CAMTA1: variants seen among roughly 807,000 people sequenced by gnomAD.
The protein encoded by CAMTA1 is calmodulin binding transcription activator 1.
In CAMTA1, 27 loss-of-function variants were observed where a neutral mutation model predicts 170.9. That is an observed-to-expected ratio of 0.16 (90% CI 0.12 to 0.22). The LOEUF is 0.22. Among genes scored for constraint, CAMTA1 ranks in the 10% least tolerant of loss-of-function variants. The pLI is 1.00. For missense variants in CAMTA1, 1,619 were observed against 2,217.2 expected (o/e 0.73, Z 5.42); for synonymous variants, 833 against 891.5 (o/e 0.93, Z 1.17).
At chr1:7,718,646 C>T (rs915777566) in intron 11 of CAMTA1, among the ~76,000 whole-genome samples, 2 of 151,386 alleles carry the variant, frequency 1.3e-5, no homozygotes, top group Non-Finnish European at 2.9e-5. Context: ...AACTTCTGCC[C>T]CGCCAGGTTC....
At chr1:6,852,859 AG>A (rs1454467320) in intron 3 of CAMTA1, among the ~76,000 whole-genome samples, 6 of 152,144 alleles carry the variant, frequency 3.9e-5, no homozygotes, top group African/African-American at 1.4e-4. Context: ...TGGGGTGGGG[AG>A]CAGAGTGACA....
intron 5 of CAMTA1, among the ~76,000 whole-genome samples, chr1:7,466,127 G>T (rs1193239): frequency 0.56 from 84,431 of 152,086 alleles, 24,322 homozygotes; most frequent in Middle Eastern, 0.67. Flanking sequence ...TGGGTTGCTT[G>T]TTCATTGCAA....
intron 3 of CAMTA1, among the ~76,000 whole-genome samples, chr1:6,968,598 T>G (rs1434133077): frequency 6.6e-6 from 1 of 152,050 alleles, no homozygotes; most frequent in African/African-American, 2.4e-5. Flanking sequence ...TAGTTAGGAT[T>G]GTGATCGATG....
At chr1:6,839,421 C>A (rs1172924960) in intron 3 of CAMTA1, among the ~76,000 whole-genome samples, 1 of 152,042 alleles carries the variant, frequency 6.6e-6, no homozygotes, top group Non-Finnish European at 1.5e-5. Context: ...CCCCAAAATT[C>A]CATTTAATTT....
chr1:6,913,521 C>T (rs902160763), intron 3 of CAMTA1, among the ~76,000 whole-genome samples: 6 of 152,194 alleles, frequency 3.9e-5, no homozygotes, highest in African/African-American at 1.4e-4. Context: ...CCTCCCTTTC[C>T]CCCTGCCCCC....
chr1:7,223,733 C>T (rs1028166793), intron 4 of CAMTA1, among the ~76,000 whole-genome samples: 27 of 152,308 alleles, frequency 1.8e-4, no homozygotes, highest in Admixed American at 3.9e-4. Context: ...CTTATATTTG[C>T]TAAGCAATCT....
At chr1:7,043,859 G>A (rs1704902715) in intron 3 of CAMTA1, among the ~76,000 whole-genome samples, 1 of 152,200 alleles carries the variant, frequency 6.6e-6, no homozygotes, top group Admixed American at 6.5e-5. Flanking sequence ...TTCTCTTCCA[G>A]CTCTAAATCC....
intron 5 of CAMTA1, among the ~76,000 whole-genome samples, chr1:7,354,480 A>C (rs899961402): frequency 1.3e-5 from 2 of 152,182 alleles, no homozygotes; most frequent in African/African-American, 2.4e-5. Flanking sequence ...TCCAGTGTTC[A>C]TGGGCACCTA....
chr1:7,659,628 A>G (rs60695293), intron 7 of CAMTA1, among the ~76,000 whole-genome samples: 38,734 of 148,888 alleles, frequency 0.26, 5,026 homozygotes, highest in Middle Eastern at 0.4. Flanking sequence ...TGGCCACCAC[A>G]GAGATCTACC....
chr1:7,319,923 A>C (rs1318169017), intron 5 of CAMTA1, among the ~76,000 whole-genome samples: 1 of 152,172 alleles, frequency 6.6e-6, no homozygotes, highest in Admixed American at 6.5e-5. Context: ...AATACGGAGA[A>C]ATGCAATTCT....
chr1:6,933,755 C>T (rs1457617869), intron 3 of CAMTA1, among the ~76,000 whole-genome samples: 1 of 151,780 alleles, frequency 6.6e-6, no homozygotes, highest in Non-Finnish European at 1.5e-5. Flanking sequence ...TGCATTTTGC[C>T]CCTTTGTAAG....
chr1:7,187,657 A>C (rs1653656341), intron 4 of CAMTA1, among the ~76,000 whole-genome samples: 1 of 152,214 alleles, frequency 6.6e-6, no homozygotes, highest in African/African-American at 2.4e-5. Flanking sequence ...GAGGCACATC[A>C]GTTCACCTGC....
chr1:7,230,813 G>T (rs969452022), intron 4 of CAMTA1, among the ~76,000 whole-genome samples: 1 of 152,024 alleles, frequency 6.6e-6, no homozygotes, highest in Non-Finnish European at 1.5e-5. Flanking sequence ...ATGGCATGAG[G>T]GACTGGCGCC....
chr1:6,848,048 T>C (rs191739022), intron 3 of CAMTA1, among the ~76,000 whole-genome samples: 48 of 152,132 alleles, frequency 3.2e-4, no homozygotes, highest in African/African-American at 1.1e-3. Context: ...AGTTTCACCA[T>C]AGTGACCAGG....
In CAMTA1 at chr1:6,833,886, C is replaced by T. The variant is rs1651646508; in HGVS notation, c.234+8676C>T. On this transcript the variant is annotated intron_variant, in intron 3 of 22. Transcript: ENST00000303635. Reference sequence around the variant, plus strand: ...GACTTACAGCCCCTTGATAATACTTCCACAGAGCCGCAGTTGAGAAACACT... The same window carrying T: ...GACTTACAGCCCCTTGATAATACTTTCACAGAGCCGCAGTTGAGAAACACT... Among the ~76,000 whole-genome samples the T allele has an allele frequency of 2.0e-5, 3 of 152,166 alleles. No homozygotes were observed. In the South Asian group the frequency reaches 6.2e-4, roughly 32 times the overall value.
At chr1:7,190,595 G>A (rs1443782196) in intron 4 of CAMTA1, among the ~76,000 whole-genome samples, 1 of 152,090 alleles carries the variant, frequency 6.6e-6, no homozygotes, top group Non-Finnish European at 1.5e-5. Context: ...ATTTTTACTT[G>A]TTATGCTTCC....
intron 6 of CAMTA1, among the ~76,000 whole-genome samples, chr1:7,541,050 T>A (rs1374621989): frequency 6.6e-6 from 1 of 152,194 alleles, no homozygotes; most frequent in African/African-American, 2.4e-5. Context: ...AAAAAAGGGA[T>A]GTGGGGGCTG....
chr1:7,257,348 C>T (rs1411829077), intron 5 of CAMTA1, among the ~76,000 whole-genome samples: 1 of 152,208 alleles, frequency 6.6e-6, no homozygotes, highest in Non-Finnish European at 1.5e-5. Context: ...GCAGGTCCCT[C>T]GCTGTCCACT....
intron 4 of CAMTA1, among the ~76,000 whole-genome samples, chr1:7,098,021 TA>T (rs977874178): frequency 2.6e-5 from 4 of 151,676 alleles, no homozygotes; most frequent in Admixed American, 2.0e-4. Flanking sequence ...TTACTACAAT[TA>T]AAAAAAAATT....
Sources: allele counts gnomAD v4.1 joint callset (sites outside exome capture counted in the v4.1 genomes callset), GRCh38; gene constraint gnomAD v4.1.1; transcripts MANE v1.5; gene names NCBI Gene and HGNC (gene_info 2026-07-23, HGNC 2026-07-21).